The following KLHL24 variants were observed in gnomAD, a reference collection of about 807,000 sequenced individuals.
The protein encoded by KLHL24 is kelch-like protein 24.
In KLHL24, 29 loss-of-function variants were observed where a neutral mutation model predicts 53.4. The ratio of observed to expected loss-of-function variants is 0.54; its 90% CI spans 0.40 to 0.74. The LOEUF (loss-of-function observed/expected upper bound fraction) is 0.74, where lower values mean the gene tolerates loss of function less well. Among genes scored for constraint, KLHL24 ranks in the 30% least tolerant of loss-of-function variants. The pLI is 0.00. For synonymous variants in KLHL24, 222 were observed against 253.7 expected, an observed-to-expected ratio of 0.88 and a Z score of 1.19; for missense variants, 504 against 744.0, an observed-to-expected ratio of 0.68 and a Z score of 3.75.
At chr3:183,636,456 C>A (rs1715204877) in intron 1 of KLHL24, 1 of 152,370 alleles carries the variant, frequency 6.6e-6, no homozygotes, top group Non-Finnish European at 1.5e-5. Context: ...CCGCTGCGGC[C>A]GTCCCCGGGG....
At chr3:183,665,885 C>CG (rs768714600) in intron 5 of KLHL24, among the ~76,000 whole-genome samples, 2 of 142,920 alleles carry the variant, frequency 1.4e-5, no homozygotes, top group Non-Finnish European at 3.0e-5. Context: ...GAGAATCAAA[C>CG]TTTTTTTTTT....
intron 3 of KLHL24, among the ~76,000 whole-genome samples, chr3:183,656,618 G>A (rs1269695023): frequency 6.6e-6 from 1 of 152,036 alleles, no homozygotes; most frequent in Non-Finnish European, 1.5e-5. Context: ...TAAGTGCTAG[G>A]CTTCAACCCT....
chr3:183,652,598 A>G (rs1298616891), intron 3 of KLHL24, among the ~76,000 whole-genome samples: 6 of 152,170 alleles, frequency 3.9e-5, no homozygotes, highest in Admixed American at 3.9e-4. Flanking sequence ...TTTTTCTGTG[A>G]ATTTACTATA....
At chr3:183,639,450 G>A (rs1258890968) in intron 1 of KLHL24, among the ~76,000 whole-genome samples, 2 of 151,672 alleles carry the variant, frequency 1.3e-5, no homozygotes, top group Non-Finnish European at 1.5e-5. Context: ...CTAACACGGA[G>A]AAACCCCGTC....
In KLHL24 at chr3:183,663,719, A is replaced by G. The variant is rs532970210; in HGVS notation, c.1105+77A>G. 265 of 770,120 alleles carry G rather than the reference A, an allele frequency of 3.4e-4. 1 individual carries two copies. The highest frequency in any genetic ancestry group is 4.8e-4 in the Non-Finnish European group (247 of 514,280). 47.7% of individuals were successfully genotyped at this position (770,120 alleles called of 1,614,324 possible). On this transcript the variant is annotated intron_variant, in intron 4 of 7. Transcript: ENST00000242810. The surrounding 1 kb of genome is among the most constrained non-coding windows in gnomAD (Gnocchi z 4.9). ...TATTTTAAACATCAACAGTGTCTTA[A>G]AATAGTGAAATGTGAATACTCCCAC... is the stretch of plus-strand genomic sequence containing the variant.
chr3:183,670,842 G>C (rs1290265456), intron 5 of KLHL24, among the ~76,000 whole-genome samples, 192 bp from the exon 6 acceptor site: 2 of 152,132 alleles, frequency 1.3e-5, no homozygotes, highest in Non-Finnish European at 2.9e-5. Flanking sequence ...ACCTAAAAAG[G>C]CTCCGTGGAT....
chr3:183,649,021 CAG>C (rs1188558768), intron 2 of KLHL24, among the ~76,000 whole-genome samples: 2 of 151,532 alleles, frequency 1.3e-5, no homozygotes, highest in African/African-American at 4.9e-5. Context: ...AAAAGAGACA[CAG>C]AGAGAGAATT....
In KLHL24 at chr3:183,673,219, A is replaced by T. The variant is rs1271268951; in HGVS notation, c.1602+735A>T. The stretch of plus-strand genomic sequence containing the variant: ...AGACTCCGTCTCAAAAAAGTAAATA[A>T]ATAAGTAAAATAAAATATTTCATGT... On this transcript the variant is annotated intron_variant, in intron 7 of 7. Transcript: ENST00000242810. 3.3e-5 allele frequency among the ~76,000 whole-genome samples: 5 copies of T among 152,106 alleles called. No homozygotes were observed. The East Asian group carries it at 9.6e-4, about 29-fold the overall frequency.
intron 1 of KLHL24, among the ~76,000 whole-genome samples, chr3:183,642,602 CAAAAAAA>C (rs377410456): frequency 0.017 from 1,574 of 92,950 alleles, 13 homozygotes; most frequent in Non-Finnish European, 0.027. Flanking sequence ...CCCCTTCCAC[CAAAAAAA>C]AAAAAAAAAA....
chr3:183,670,292 C>T (rs1050830934), intron 5 of KLHL24, among the ~76,000 whole-genome samples: 2 of 151,996 alleles, frequency 1.3e-5, no homozygotes, highest in Admixed American at 6.6e-5. Flanking sequence ...GAGAGAGAAA[C>T]GTGGATGTTA....
Position 183,674,323 on chromosome 3 carries a change from C to CCCTTCTTT in KLHL24, c.1602+1848_1602+1855dup, listed in dbSNP as rs1711507551. ...TCTTTCCTTTCTTCCTTCCTTCCTT[C>CCCTTCTTT]CCTTCTTTCCTTCTTTTCTTTCCTT... is the stretch of plus-strand genomic sequence containing the variant. On this transcript the variant is annotated intron_variant, in intron 7 of 7. Transcript: ENST00000242810. 2.2e-5 allele frequency among the ~76,000 whole-genome samples: 3 copies of CCCTTCTTT among 139,210 alleles called. No individual in the cohort carries two copies. The South Asian group carries it at 6.8e-4, about 31-fold the overall frequency. The allele number at this position is 139,210 out of a possible 152,430, so 91.3% of individuals were successfully genotyped here.
In KLHL24 at chr3:183,651,100, AC is replaced by A; in HGVS notation, c.745del (p.His249ThrfsTer4). ...RAVDLRRPLL[H>X]ELLTHVRLPL... ...CCGTTGATCTGAGAAGACCACTGTT[AC>A]ACGAGCTCCTGACACATGTGAGACT... is the stretch of plus-strand genomic sequence containing the variant. On this transcript the variant is annotated frameshift_variant, in exon 3 of 8. Coordinates refer to ENST00000242810, the MANE Select transcript of KLHL24 (RefSeq NM_017644.3). LOFTEE classifies it high-confidence loss of function. The A allele has an allele frequency of 6.2e-6, 10 of 1,614,172 alleles. No individual in the cohort carries two copies. Among genetic ancestry groups the A allele is most frequent in the Non-Finnish European group, 8.5e-6 (10 of 1,180,028 alleles).
chr3:183,675,318 A>G lies in KLHL24; in HGVS notation c.1602+2834A>G, dbSNP rs545315852. On this transcript the variant is annotated intron_variant, in intron 7 of 7. Coordinates refer to ENST00000242810, the MANE Select transcript of KLHL24 (RefSeq NM_017644.3). The stretch of plus-strand genomic sequence containing the variant: ...TGTTGACATTGAGGTATAGTCTCCA[A>G]TTAGTAATATATATGCAGTAACATT... Among the ~76,000 whole-genome samples the G allele has an allele frequency of 2.0e-5, 3 of 152,310 alleles. No individual in the cohort carries two copies. In the South Asian group the frequency reaches 6.2e-4, roughly 32 times the overall value.
rs1315088004 is a variant in KLHL24 at position 183,683,460 on chromosome 3, C to A, written c.*4174C>A. 1 of 152,560 alleles carries A rather than the reference C, an allele frequency of 6.6e-6. No homozygotes were observed. Among genetic ancestry groups the A allele is most frequent in the Non-Finnish European group, 1.5e-5 (1 of 68,032 alleles). The allele number at this position is 152,560 out of a possible 1,614,324, so 9.5% of individuals were successfully genotyped here. A position where few individuals can be genotyped will look rare whatever the true frequency, so the allele number is the denominator to read the frequency against. On this transcript the variant is annotated 3_prime_UTR_variant, in exon 8 of 8. Transcript: ENST00000242810. ...TAAATAAATTTACCATGCCAAGTAA[C>A]CAGAATGGAGCAAATTGGTTGATCT...
Position 183,650,564 on chromosome 3 carries a change from A to G in KLHL24, c.208A>G (p.Ile70Val). The change falls in exon 3 of 8, where the codon ATT becomes GTT. Residue 70 changes from isoleucine (I) to valine (V), a missense_variant. Ile to Val is a conservative substitution (Grantham distance 29, BLOSUM62 3). Coordinates refer to ENST00000242810, the MANE Select transcript of KLHL24 (RefSeq NM_017644.3). The surrounding 1 kb of genome is among the most constrained non-coding windows in gnomAD (Gnocchi z 4.5). ...TAGCCGCTTATTCACAGATGTTATCATTTGTGTGGAAGGAAAAGAATTTCC... is the reference window on the plus strand; with the variant it reads ...TAGCCGCTTATTCACAGATGTTATCGTTTGTGTGGAAGGAAAAGAATTTCC... ...RDSRLFTDVI[I>V]CVEGKEFPCH... 1.9e-6 allele frequency: 3 copies of G among 1,614,054 alleles called. No individual in the cohort carries two copies. Among genetic ancestry groups the G allele is most frequent in the East Asian group, 2.2e-5 (1 of 44,884 alleles).
intron 2 of KLHL24, among the ~76,000 whole-genome samples, chr3:183,648,433 T>C (rs1302336349): frequency 6.6e-6 from 1 of 152,196 alleles, no homozygotes; most frequent in Non-Finnish European, 1.5e-5. Context: ...ATTTGTGGCT[T>C]GCGAATGTAG....
At chr3:183,652,988 T>A (rs988687535) in intron 3 of KLHL24, among the ~76,000 whole-genome samples, 1 of 152,208 alleles carries the variant, frequency 6.6e-6, no homozygotes, top group Non-Finnish European at 1.5e-5. Context: ...AAGACATAAT[T>A]TGAATGCAAT....
Position 183,640,593 on chromosome 3 carries a change from CTTTT to C in KLHL24, c.-124-2884_-124-2881del. 1.4e-5 allele frequency among the ~76,000 whole-genome samples: 2 copies of C among 144,824 alleles called. 1 individual carries two copies. Among genetic ancestry groups the C allele is most frequent in the African/African-American group, 5.2e-5 (2 of 38,570 alleles). On this transcript the variant is annotated intron_variant, in intron 1 of 7. Coordinates refer to ENST00000242810, the MANE Select transcript of KLHL24 (RefSeq NM_017644.3). ...TTACCTTTTCTTTTTTTTCTTTTTT[CTTTT>C]TTCTTTTTTTTTTTTTTTTTGAGAC...
intron 6 of KLHL24, 78 bp from the exon 7 acceptor site, chr3:183,672,217 AG>A: frequency 1.6e-6 from 1 of 622,856 alleles, no homozygotes; most frequent in Non-Finnish European, 2.5e-6. Flanking sequence ...TAATGTTTGT[AG>A]GTATTGGTAG....
Sources: gnomAD v4.1 joint callset for allele counts (sites outside exome capture counted in the v4.1 genomes callset) on GRCh38, gnomAD v4.1.1 for gene constraint, Gnocchi (gnomAD v3.1) non-coding constraint, MANE v1.5 for transcripts, NCBI Gene and HGNC (gene_info 2026-07-23, HGNC 2026-07-21) for gene names.